GRIP1: variants seen among roughly 807,000 people sequenced by gnomAD.
GRIP1 encodes the protein glutamate receptor-interacting protein 1.
A neutral mutation model predicts 129.9 loss-of-function variants in GRIP1; 45 were observed. That is an observed-to-expected ratio of 0.35 (90% CI 0.27 to 0.44). GRIP1 has a LOEUF of 0.44. GRIP1 is among the 20% of genes least tolerant of loss of function. The pLI, the probability that GRIP1 is intolerant of heterozygous loss-of-function variation, is 1.00. For missense variants in GRIP1, 1,196 were observed against 1,396.8 expected, an observed-to-expected ratio of 0.86 and a Z score of 2.29; for synonymous variants, 530 against 520.8, an observed-to-expected ratio of 1.02 and a Z score of -0.24.
chr12:66,654,840 A>G (rs2033042611), intron 1 of GRIP1, among the ~76,000 whole-genome samples: 1 of 152,206 alleles, frequency 6.6e-6, no homozygotes, highest in South Asian at 2.1e-4. Context: ...GGGGATAAAC[A>G]AGAGGGAAAA....
chr12:66,701,857 C>G (rs2035364347), intron 1 of GRIP1, among the ~76,000 whole-genome samples: 1 of 152,188 alleles, frequency 6.6e-6, no homozygotes, highest in African/African-American at 2.4e-5. Context: ...ATTCAAACAG[C>G]CTTTACAATG....
intron 1 of GRIP1, among the ~76,000 whole-genome samples, chr12:66,717,115 C>T (rs987233319): frequency 4.6e-5 from 7 of 152,144 alleles, no homozygotes; most frequent in African/African-American, 1.4e-4. Context: ...TCTTCTGTTA[C>T]CCTAGAAAGA....
chr12:66,363,043 A>G (rs1188005227), intron 23 of GRIP1, among the ~76,000 whole-genome samples: 1 of 151,132 alleles, frequency 6.6e-6, no homozygotes, highest in Non-Finnish European at 1.5e-5. Flanking sequence ...ATTCCAACTT[A>G]GAAAACTTAT....
At chr12:66,358,182 A>AC (rs1403013878) in intron 23 of GRIP1, among the ~76,000 whole-genome samples, 2 of 152,220 alleles carry the variant, frequency 1.3e-5, no homozygotes, top group Non-Finnish European at 2.9e-5. Context: ...GGCGTAAGCC[A>AC]CCACGCCCAG....
intron 1 of GRIP1, among the ~76,000 whole-genome samples, chr12:67,015,702 C>A (rs1026713586): frequency 5.9e-5 from 9 of 152,132 alleles, no homozygotes; most frequent in African/African-American, 2.2e-4. Context: ...GTAAACAATC[C>A]GGCTTAAGGG....
intron 1 of GRIP1, among the ~76,000 whole-genome samples, chr12:66,939,325 C>G (rs12821257): frequency 6.6e-6 from 1 of 151,846 alleles, no homozygotes; most frequent in African/African-American, 2.4e-5. Context: ...CTAACCTGGG[C>G]GACAGAGCAA....
chr12:66,748,081 C>T (rs2136597834), intron 1 of GRIP1, among the ~76,000 whole-genome samples: 1 of 152,002 alleles, frequency 6.6e-6, no homozygotes, highest in South Asian at 2.1e-4. Context: ...TGTAGTGGCA[C>T]AATCTCGGCT....
chr12:66,859,280 A>G (rs1310194590), intron 1 of GRIP1, among the ~76,000 whole-genome samples: 3 of 13,020 alleles, frequency 2.3e-4, no homozygotes, highest in African/African-American at 4.0e-4. Flanking sequence ...AAAAAACAAA[A>G]AAACAAAAAA....
At chr12:66,835,450 T>G (rs1181223910) in intron 1 of GRIP1, among the ~76,000 whole-genome samples, 2 of 152,354 alleles carry the variant, frequency 1.3e-5, no homozygotes, top group African/African-American at 4.8e-5. Flanking sequence ...TCATTGTTTA[T>G]ATCAATGAAA....
intron 1 of GRIP1, among the ~76,000 whole-genome samples, chr12:66,749,471 T>A (rs932357298): frequency 7.9e-5 from 12 of 152,244 alleles, no homozygotes; most frequent in South Asian, 2.1e-4. Context: ...AGGCTATTTC[T>A]GTTCTCTAAA....
Position 66,597,111 on chromosome 12 carries a change from T to A in GRIP1, c.56-184A>T, listed in dbSNP as rs2064083688. Among the ~76,000 whole-genome samples, 9 of 152,310 alleles carry A rather than the reference T, an allele frequency of 5.9e-5. 1 individual carries two copies. The South Asian group carries it at 1.9e-3, about 32-fold the overall frequency. ...AATCTTTGAAAATGTTGTGAATATGTTTCTTCCCCTATAAAAGAGAGATAA... is the reference window on the plus strand; with the variant it reads ...AATCTTTGAAAATGTTGTGAATATGATTCTTCCCCTATAAAAGAGAGATAA... On this transcript the variant is annotated intron_variant, in intron 1 of 24. Transcript: ENST00000359742.
intron 23 of GRIP1, among the ~76,000 whole-genome samples, chr12:66,356,146 G>A (rs2054479927): frequency 6.6e-6 from 1 of 152,240 alleles, no homozygotes; most frequent in South Asian, 2.1e-4. Flanking sequence ...GGAAGGTAGG[G>A]GGAGGGTCCT....
In GRIP1 at chr12:66,388,074, TA is replaced by T. The variant is rs888070843; in HGVS notation, c.2464+4233del. On this transcript the variant is annotated intron_variant, in intron 19 of 24. Coordinates refer to ENST00000359742, the MANE Select transcript of GRIP1 (RefSeq NM_001366722.1). ...GTAAAATTAAAAGTAAAATTGTACG[TA>T]AAAAAAAAAACTAGAGTAAAACTAA... Among the ~76,000 whole-genome samples, 231 of 144,202 alleles carry T rather than the reference TA, an allele frequency of 1.6e-3. 2 individuals are homozygous for T. The highest frequency in any genetic ancestry group is 3.1e-3 in the African/African-American group (122 of 39,584). The allele number at this position is 144,202 out of a possible 152,430, so 94.6% of individuals were successfully genotyped here. A position where few individuals can be genotyped will look rare whatever the true frequency, so the allele number is the denominator to read the frequency against.
At position 66,392,831 on chromosome 12, in the gene GRIP1, A is replaced by G. The variant is rs752122973; in HGVS notation, c.2130-15T>C. ...TTGCGCCAGTTCTGAAAAGCCAAAT[A>G]GTAATAGGAGAGGTAGAAATAATCC... On this transcript the variant is annotated splice_polypyrimidine_tract_variant and intron_variant, in intron 17 of 24. Coordinates refer to ENST00000359742, the MANE Select transcript of GRIP1 (RefSeq NM_001366722.1). 2.5e-6 allele frequency: 4 copies of G among 1,611,640 alleles called. No individual in the cohort carries two copies. In the South Asian group the frequency reaches 4.4e-5, roughly 18 times the overall value.
chr12:66,871,392 A>T (rs952316876), intron 1 of GRIP1, among the ~76,000 whole-genome samples: 7 of 152,126 alleles, frequency 4.6e-5, no homozygotes, highest in African/African-American at 1.7e-4. Context: ...ATAAGAAAGA[A>T]GATTTAGTAT....
intron 4 of GRIP1, among the ~76,000 whole-genome samples, chr12:66,534,746 T>C (rs1260746346): frequency 6.6e-6 from 1 of 152,018 alleles, no homozygotes. Context: ...CAGGCTGGAG[T>C]GCAGTGGCAT....
chr12:66,452,455 C>A (rs560964967), intron 11 of GRIP1, among the ~76,000 whole-genome samples: 1 of 152,194 alleles, frequency 6.6e-6, no homozygotes, highest in East Asian at 1.9e-4. Context: ...TATATACAGA[C>A]TTCTTGTATT....
At chr12:66,439,095 C>T (rs770624581) in intron 13 of GRIP1, among the ~76,000 whole-genome samples, 108 of 152,276 alleles carry the variant, frequency 7.1e-4, no homozygotes, top group Non-Finnish European at 1.3e-3. Flanking sequence ...CCAAACATGA[C>T]AGAAAGCATC....
At chr12:66,381,701 T>G (rs1220651767) in intron 19 of GRIP1, among the ~76,000 whole-genome samples, 1 of 152,148 alleles carries the variant, frequency 6.6e-6, no homozygotes, top group East Asian at 1.9e-4. Context: ...TAGGCAAGAG[T>G]GCAAGAATGG....
Sources: gnomAD v4.1 joint callset for allele counts (sites outside exome capture counted in the v4.1 genomes callset) on GRCh38, gnomAD v4.1.1 for gene constraint, MANE v1.5 for transcripts, NCBI Gene and HGNC (gene_info 2026-07-23, HGNC 2026-07-21) for gene names.